Variants in LINGO2 observed in about 807,000 individuals in gnomAD.
The protein encoded by LINGO2 is leucine-rich repeat and immunoglobulin-like domain-containing nogo receptor-interacting protein 2.
Under a neutral mutation model 30.6 loss-of-function variants are expected in LINGO2, and 14 were observed. The ratio of observed to expected loss-of-function variants is 0.46; its 90% CI spans 0.30 to 0.72. The LOEUF is 0.72. Among genes scored for constraint, LINGO2 ranks in the 30% least tolerant of loss-of-function variants. LINGO2 has a pLI of 0.07. For synonymous variants in LINGO2, 317 were observed against 288.5 expected (o/e 1.10, Z -1.00); for missense variants, 729 against 751.7 (o/e 0.97, Z 0.35).
At chr9:28,972,214 T>G in the LINGO2 span, among the ~76,000 whole-genome samples, 1 of 152,186 alleles carries the variant, frequency 6.6e-6, no homozygotes, top group Non-Finnish European at 1.5e-5. Flanking sequence ...CTGTAATATA[T>G]GCCTAACTCT....
At position 28,485,441 on chromosome 9, in the gene LINGO2, G is replaced by A. The variant is rs139479492; in HGVS notation, c.-364-9416C>T. Among the ~76,000 whole-genome samples, 41 of 152,112 alleles carry A rather than the reference G, an allele frequency of 2.7e-4. No individual in the cohort carries two copies. In the East Asian group the frequency reaches 5.8e-3, roughly 22 times the overall value. Reference sequence around the variant, plus strand: ...AGACTATAATATGCTACAATTTAAAGTGTAAAAGTATGAGTATCAAGTAAA... The same window carrying A: ...AGACTATAATATGCTACAATTTAAAATGTAAAAGTATGAGTATCAAGTAAA... On this transcript the variant is annotated intron_variant, in intron 1 of 5. Coordinates refer to ENST00000379992, the Ensembl canonical transcript of LINGO2.
the LINGO2 span, among the ~76,000 whole-genome samples, chr9:28,997,369 C>A: frequency 6.6e-6 from 1 of 152,190 alleles, no homozygotes; most frequent in African/African-American, 2.4e-5. Context: ...AACCACTGGT[C>A]AAGCATTGTG....
At chr9:28,942,081 T>C in the LINGO2 span, among the ~76,000 whole-genome samples, 1 of 152,064 alleles carries the variant, frequency 6.6e-6, no homozygotes, top group South Asian at 2.1e-4. Flanking sequence ...CGGCATACCC[T>C]GGGAAGTAAG....
chr9:28,816,201 C>A, the LINGO2 span, among the ~76,000 whole-genome samples: 29 of 152,194 alleles, frequency 1.9e-4, no homozygotes, highest in Non-Finnish European at 3.7e-4. Flanking sequence ...AGTCCCACCT[C>A]TTAACACTGT....
chr9:28,586,197 T>A (rs1232945107), intron 1 of LINGO2, among the ~76,000 whole-genome samples: 1 of 152,000 alleles, frequency 6.6e-6, no homozygotes, highest in African/African-American at 2.4e-5. Context: ...TTTTTTTTTA[T>A]AGTAAGACAT....
intron 2 of LINGO2, among the ~76,000 whole-genome samples, chr9:28,462,105 A>G (rs1053911346): frequency 6.6e-6 from 1 of 152,088 alleles, no homozygotes; most frequent in African/African-American, 2.4e-5. Context: ...TTGTTTACAT[A>G]AGTCCTAAGT....
chr9:28,650,683 T>C (rs570171633), intron 1 of LINGO2, among the ~76,000 whole-genome samples: 1 of 152,320 alleles, frequency 6.6e-6, no homozygotes, highest in East Asian at 1.9e-4. Flanking sequence ...TTCTTCTTTC[T>C]ACTTATGTCT....
the LINGO2 span, among the ~76,000 whole-genome samples, chr9:28,784,122 T>G: frequency 6.6e-6 from 1 of 151,334 alleles, no homozygotes; most frequent in Non-Finnish European, 1.5e-5. Flanking sequence ...AAATTAATTG[T>G]TTTTTAAAAA....
chr9:28,079,080 AT>A (rs1161615053), intron 4 of LINGO2, among the ~76,000 whole-genome samples: 1 of 148,778 alleles, frequency 6.7e-6, no homozygotes, highest in African/African-American at 2.6e-5. Context: ...TTAAATTAAG[AT>A]TTAAGTGAAG....
chr9:29,016,231 A>C, the LINGO2 span, among the ~76,000 whole-genome samples: 2 of 152,184 alleles, frequency 1.3e-5, no homozygotes, highest in African/African-American at 4.8e-5. Context: ...ATTTCCCTTA[A>C]ACAGTAGTTG....
intron 2 of LINGO2, among the ~76,000 whole-genome samples, chr9:28,411,661 TC>T (rs1822769195): frequency 6.6e-6 from 1 of 152,126 alleles, no homozygotes; most frequent in African/African-American, 2.4e-5. Context: ...GCTTATCCAT[TC>T]ATCTGTTGGT....
At chr9:28,617,420 C>G (rs1826182178) in intron 1 of LINGO2, among the ~76,000 whole-genome samples, 2 of 151,934 alleles carry the variant, frequency 1.3e-5, no homozygotes, top group Non-Finnish European at 1.5e-5. Flanking sequence ...CTCAGCCTCC[C>G]CAGTAGCTGG....
chr9:28,450,786 T>C (rs2135069586), intron 2 of LINGO2, among the ~76,000 whole-genome samples: 1 of 152,146 alleles, frequency 6.6e-6, no homozygotes, highest in East Asian at 1.9e-4. Context: ...TTTTTAAATG[T>C]ATATATTAAC....
intron 1 of LINGO2, among the ~76,000 whole-genome samples, chr9:28,513,116 CACACACACACTT>C (rs1342878850): frequency 4.2e-5 from 4 of 96,108 alleles, no homozygotes; most frequent in Non-Finnish European, 1.0e-4. Flanking sequence ...CACACACACA[CACACACACACTT>C]AGAAAATATT....
At chr9:28,885,834 A>C in the LINGO2 span, among the ~76,000 whole-genome samples, 74 of 152,222 alleles carry the variant, frequency 4.9e-4, no homozygotes, top group South Asian at 0.015. Context: ...AGAAACTAGG[A>C]TCACTATTTT....
At chr9:28,928,653 A>G in the LINGO2 span, among the ~76,000 whole-genome samples, 4 of 152,220 alleles carry the variant, frequency 2.6e-5, no homozygotes. Context: ...CATGAAAAAC[A>G]CAGTGGATAG....
chr9:28,327,351 A>G (rs1038728270), intron 3 of LINGO2, among the ~76,000 whole-genome samples: 1 of 152,204 alleles, frequency 6.6e-6, no homozygotes, highest in Non-Finnish European at 1.5e-5. Context: ...CGGCAGGAAG[A>G]AGTCCCGAAA....
chr9:28,380,130 A>G (rs1821288753), intron 2 of LINGO2, among the ~76,000 whole-genome samples: 1 of 152,112 alleles, frequency 6.6e-6, no homozygotes, highest in African/African-American at 2.4e-5. Flanking sequence ...CATGTTTACA[A>G]TCTATTTACA....
chr9:28,455,530 A>G (rs1328803440), intron 2 of LINGO2, among the ~76,000 whole-genome samples: 1 of 152,080 alleles, frequency 6.6e-6, no homozygotes, highest in African/African-American at 2.4e-5. Context: ...ATCAAAACCA[A>G]TGCATGAGTG....
Sources: gnomAD v4.1 joint callset for allele counts (sites outside exome capture counted in the v4.1 genomes callset) on GRCh38, gnomAD v4.1.1 for gene constraint, MANE v1.5 for transcripts, NCBI Gene and HGNC (gene_info 2026-07-23, HGNC 2026-07-21) for gene names.